The following CUTC variants were observed in gnomAD, a reference collection of about 807,000 sequenced individuals.
CUTC encodes copper homeostasis protein cutC homolog.
CUTC carries 27 observed loss-of-function variants against 36.2 expected under a neutral mutation model. The ratio of observed to expected loss-of-function variants is 0.75; its 90% CI spans 0.55 to 1.03. The LOEUF (loss-of-function observed/expected upper bound fraction) is 1.03, where lower values mean the gene tolerates loss of function less well. Ranked by LOEUF, CUTC falls within the 50% of genes least tolerant of loss-of-function variation. The pLI, the probability that CUTC is intolerant of heterozygous loss-of-function variation, is 0.00. For missense variants in CUTC, 315 were observed against 343.5 expected, an observed-to-expected ratio of 0.92 and a Z score of 0.66; for synonymous variants, 114 against 118.3, an observed-to-expected ratio of 0.96 and a Z score of 0.24.
At chr10:99,740,409 T>G (rs2037333124) in intron 3 of CUTC, among the ~76,000 whole-genome samples, 1 of 142,016 alleles carries the variant, frequency 7.0e-6, no homozygotes, top group Non-Finnish European at 1.5e-5. Flanking sequence ...GTATTTTTGC[T>G]GGGTATAGAA....
chr10:99,732,642 C>T, intron 1 of CUTC: 2 of 1,415,814 alleles, frequency 1.4e-6, no homozygotes, highest in Non-Finnish European at 1.8e-6. Flanking sequence ...CCGGGGTCCC[C>T]TCATAACGGC....
chr10:99,755,540 C>A, intron 8 of CUTC, 85 bp from the exon 9 acceptor site: 1 of 806,874 alleles, frequency 1.2e-6, no homozygotes, highest in Non-Finnish European at 2.1e-6. Flanking sequence ...ACCCTTGTAT[C>A]ATGAAATAGT....
At chr10:99,742,421 T>C (rs2037348086) in intron 3 of CUTC, among the ~76,000 whole-genome samples, 1 of 152,204 alleles carries the variant, frequency 6.6e-6, no homozygotes, top group African/African-American at 2.4e-5. Flanking sequence ...CTAAAATCCC[T>C]AGAGCATGTC....
intron 8 of CUTC, 54 bp from the exon 9 acceptor site, chr10:99,755,571 A>G: frequency 8.9e-7 from 1 of 1,128,826 alleles, no homozygotes; most frequent in Non-Finnish European, 1.3e-6. Flanking sequence ...AAGCGGCAGT[A>G]GGAGGGCCCA....
Position 99,750,387 on chromosome 10 carries a change from G to A in CUTC, c.592G>A (p.Val198Ile), listed in dbSNP as rs2037407547. 4 of 1,587,430 alleles carry A rather than the reference G, an allele frequency of 2.5e-6. No individual in the cohort carries two copies. Among genetic ancestry groups the A allele is most frequent in the Non-Finnish European group, 3.4e-6 (4 of 1,171,444 alleles). ...TTTTCAGGCAAAAGGCAGGATTGTG[G>A]TAATGCCAGGTATTTATTTATCTAT... ...LIEQAKGRIV[V>I]MPGGGITDRN... Residue 198 changes from valine (V) to isoleucine (I), a missense_variant, in exon 7 of 9, where the codon GTA becomes ATA. Physicochemically the swap from Val to Ile is conservative, Grantham distance 29. Coordinates refer to ENST00000370476, the MANE Select transcript of CUTC (RefSeq NM_015960.3).
intron 1 of CUTC, 64 bp downstream of exon 1, chr10:99,732,473 T>C: frequency 6.5e-7 from 1 of 1,545,110 alleles, no homozygotes; most frequent in Non-Finnish European, 8.7e-7. Flanking sequence ...CCGGCGGGAG[T>C]CGTAGTCAGT....
chr10:99,752,441 C>T (rs578120955), intron 7 of CUTC, among the ~76,000 whole-genome samples: 24 of 151,622 alleles, frequency 1.6e-4, no homozygotes, highest in African/African-American at 5.3e-4. Context: ...AGGCTTTGAC[C>T]TATAACAAGC....
In CUTC at chr10:99,755,833, C is replaced by G. The variant is rs1009182241; in HGVS notation, c.*94C>G. ...CACAGCTTTAACCTTCTTCTCTGGC[C>G]AGGACAGTCGCAATCTTTGTTTTAA... is the stretch of plus-strand genomic sequence containing the variant. On this transcript the variant is annotated 3_prime_UTR_variant, in exon 9 of 9. Coordinates refer to ENST00000370476, the MANE Select transcript of CUTC (RefSeq NM_015960.3). 3.9e-6 allele frequency: 3 copies of G among 773,510 alleles called. No homozygotes were observed. Among genetic ancestry groups the G allele is most frequent in the Non-Finnish European group, 6.4e-6 (3 of 468,230 alleles). 47.9% of individuals were successfully genotyped at this position (773,510 alleles called of 1,614,324 possible).
chr10:99,748,332 T>C (rs926929197), intron 6 of CUTC, among the ~76,000 whole-genome samples: 1 of 152,220 alleles, frequency 6.6e-6, no homozygotes, highest in Admixed American at 6.5e-5. Context: ...ACTGCTATTA[T>C]TAATAATACT....
chr10:99,740,407 G>A (rs191480978), intron 3 of CUTC, among the ~76,000 whole-genome samples: 2 of 144,498 alleles, frequency 1.4e-5, no homozygotes, highest in East Asian at 4.1e-4. Context: ...AGGTATTTTT[G>A]CTGGGTATAG....
chr10:99,747,949 A>G (rs568479518), intron 6 of CUTC, among the ~76,000 whole-genome samples: 5 of 151,734 alleles, frequency 3.3e-5, no homozygotes, highest in Admixed American at 6.6e-5. Flanking sequence ...TCATCTGTCA[A>G]TATAAGAGGA....
intron 6 of CUTC, 87 bp downstream of exon 6, chr10:99,747,477 T>C (rs1198496314): frequency 4.1e-6 from 6 of 1,463,876 alleles, no homozygotes; most frequent in Non-Finnish European, 5.6e-6. Flanking sequence ...TGAGACTATA[T>C]ATTACTGACT....
intron 8 of CUTC, 39 bp from the exon 9 acceptor site, chr10:99,755,586 A>G: frequency 7.2e-7 from 1 of 1,386,764 alleles, no homozygotes; most frequent in Non-Finnish European, 1.0e-6. Context: ...GGCCCATTTA[A>G]TAACATAATT....
At chr10:99,743,054 T>G (rs2037352059) in intron 3 of CUTC, 99 bp from the exon 4 acceptor site, 11 of 1,120,870 alleles carry the variant, frequency 9.8e-6, no homozygotes, top group Non-Finnish European at 1.2e-5. Flanking sequence ...TCAGTGTCTG[T>G]CCTACCTTTT....
At chr10:99,754,213 A>G (rs572955233) in intron 7 of CUTC, among the ~76,000 whole-genome samples, 1 of 152,230 alleles carries the variant, frequency 6.6e-6, no homozygotes, top group Admixed American at 6.5e-5. Context: ...CCTCAAACCT[A>G]TCCTTACCTT....
rs17112207 is a variant in CUTC at position 99,743,107 on chromosome 10, G to A, written c.194-46G>A. The A allele has an allele frequency of 1.7e-3, 2,611 of 1,572,138 alleles. 26 individuals carry two copies. In the African/African-American group the frequency reaches 0.029, roughly 18 times the overall value. ...GTAAATGACCAATAATATATCATTG[G>A]CTTTTAGCTCACATTTGAATTTTAA... On this transcript the variant is annotated intron_variant, in intron 3 of 8. Coordinates refer to ENST00000370476, the MANE Select transcript of CUTC (RefSeq NM_015960.3).
chr10:99,750,507 T>C, intron 7 of CUTC, 111 bp downstream of exon 7: 1 of 675,734 alleles, frequency 1.5e-6, no homozygotes, highest in Non-Finnish European at 2.4e-6. Context: ...TATTAGTACA[T>C]GATCTTTAAA....
At chr10:99,735,014 A>G (rs2133660755) in intron 1 of CUTC, among the ~76,000 whole-genome samples, 1 of 148,750 alleles carries the variant, frequency 6.7e-6, no homozygotes, top group African/African-American at 2.5e-5. Flanking sequence ...AGGCACAAGA[A>G]TTGCTTGAGC....
chr10:99,739,685 G>A, intron 2 of CUTC, 25 bp from the exon 3 acceptor site: 1 of 1,604,336 alleles, frequency 6.2e-7, no homozygotes, highest in Non-Finnish European at 8.5e-7. Flanking sequence ...TTAAAAATGT[G>A]TTGAGCAATG....
Sources: allele counts gnomAD v4.1 joint callset (sites outside exome capture counted in the v4.1 genomes callset), GRCh38; gene constraint gnomAD v4.1.1; transcripts MANE v1.5; gene names NCBI Gene and HGNC (gene_info 2026-07-23, HGNC 2026-07-21).